The following DENND2C variants were observed in gnomAD, a reference collection of about 807,000 sequenced individuals.
DENND2C encodes the protein DENN domain containing 2C.
Under a neutral mutation model 112.4 loss-of-function variants are expected in DENND2C, and 72 were observed. That is an observed-to-expected ratio of 0.64 (90% CI 0.53 to 0.78). DENND2C has a LOEUF of 0.78. Among genes scored for constraint, DENND2C ranks in the 30% least tolerant of loss-of-function variants. The pLI is 0.00. For missense variants in DENND2C, 992 were observed against 1,113.8 expected (o/e 0.89, Z 1.56); for synonymous variants, 329 against 381.6 (o/e 0.86, Z 1.61).
intron 8 of DENND2C, among the ~76,000 whole-genome samples, chr1:114,612,230 A>G (rs1009359180): frequency 2.0e-5 from 3 of 152,238 alleles, no homozygotes; most frequent in Non-Finnish European, 2.9e-5. Flanking sequence ...TTGCCATAAA[A>G]AGCTTTAATA....
intron 19 of DENND2C, 39 bp from the exon 20 acceptor site, chr1:114,587,512 C>A (rs1655070596): frequency 6.2e-7 from 1 of 1,604,632 alleles, no homozygotes; most frequent in Non-Finnish European, 8.5e-7. Flanking sequence ...CTGTGTAACA[C>A]TCCAGACTGG....
chr1:114,646,594 G>A (rs6686273), intron 2 of DENND2C, among the ~76,000 whole-genome samples: 4,525 of 152,218 alleles, frequency 0.03, 228 homozygotes, highest in African/African-American at 0.1. Context: ...CGCCAACTCC[G>A]TTTTGTTTGA....
chr1:114,628,465 G>A (rs1482752828), intron 3 of DENND2C, among the ~76,000 whole-genome samples: 2 of 152,100 alleles, frequency 1.3e-5, no homozygotes, highest in Non-Finnish European at 2.9e-5. Flanking sequence ...CCTAAAATAT[G>A]TAGGTATTTT....
intron 2 of DENND2C, among the ~76,000 whole-genome samples, chr1:114,651,756 A>G (rs1657172294): frequency 6.6e-6 from 1 of 152,178 alleles, no homozygotes; most frequent in African/African-American, 2.4e-5. Context: ...AGAAAAAGGA[A>G]AAGTTATTTC....
chr1:114,638,664 G>A (rs751742309), intron 3 of DENND2C, among the ~76,000 whole-genome samples: 2 of 151,070 alleles, frequency 1.3e-5, no homozygotes, highest in Non-Finnish European at 2.9e-5. Context: ...TTGGGAGGCT[G>A]AGGTGGGAGG....
chr1:114,662,153 C>T (rs1657509325), intron 1 of DENND2C, among the ~76,000 whole-genome samples: 1 of 152,102 alleles, frequency 6.6e-6, no homozygotes, highest in Admixed American at 6.6e-5. Context: ...TCACAGAAGG[C>T]TCTATTATTA....
At position 114,585,379 on chromosome 1, in the gene DENND2C, G is replaced by T; in HGVS notation, c.*221C>A. ...GAAAAGGCTGCTATAAAAAAAAAATGGAGACAGAGTAAAGATGGCATGGTG... is the reference window on the plus strand; with the variant it reads ...GAAAAGGCTGCTATAAAAAAAAAATTGAGACAGAGTAAAGATGGCATGGTG... On this transcript the variant is annotated 3_prime_UTR_variant, in exon 21 of 21. Transcript: ENST00000393274. 2.2e-6 allele frequency: 1 copy of T among 446,718 alleles called. No homozygotes were observed. Among genetic ancestry groups the T allele is most frequent in the Non-Finnish European group, 4.0e-6 (1 of 247,026 alleles). 27.7% of individuals were successfully genotyped at this position (446,718 alleles called of 1,614,324 possible).
At chr1:114,655,879 TATAA>T (rs1657296860) in intron 1 of DENND2C, among the ~76,000 whole-genome samples, 2 of 32,810 alleles carry the variant, frequency 6.1e-5, no homozygotes, top group African/African-American at 2.3e-4. Flanking sequence ...TATATATATG[TATAA>T]ATATATATAT....
chr1:114,613,150 G>A (rs75926100), intron 8 of DENND2C, among the ~76,000 whole-genome samples: 4,018 of 152,270 alleles, frequency 0.026, 95 homozygotes, highest in Non-Finnish European at 0.034. Context: ...CTGTCTACTA[G>A]CTAAATAAAA....
rs185669868 is a variant in DENND2C, at chr1:114,626,635, T to G, written c.-204-447A>C. Among the ~76,000 whole-genome samples the G allele has an allele frequency of 3.8e-4, 58 of 150,820 alleles. No individual in the cohort carries two copies. The East Asian group carries it at 0.011, about 29-fold the overall frequency. Reference sequence around the variant, plus strand: ...CAAGTGATCTTCCCCCTCAGCCTCCTGAGTAGCTGTGACTACAGGTACATG... The same window carrying G: ...CAAGTGATCTTCCCCCTCAGCCTCCGGAGTAGCTGTGACTACAGGTACATG... On this transcript the variant is annotated intron_variant, in intron 3 of 20. Transcript: ENST00000393274.
intron 15 of DENND2C, 37 bp downstream of exon 15, chr1:114,600,167 C>G (rs369388773): frequency 5.0e-5 from 79 of 1,575,226 alleles, no homozygotes; most frequent in Non-Finnish European, 6.5e-5. Flanking sequence ...ACAAATAAAA[C>G]ACCAGTGTGA....
chr1:114,666,744 C>T (rs552856826), intron 1 of DENND2C, among the ~76,000 whole-genome samples: 4 of 152,324 alleles, frequency 2.6e-5, no homozygotes, highest in South Asian at 4.1e-4. Flanking sequence ...TGAGCCACCA[C>T]GCCTGGCCCT....
intron 7 of DENND2C, 91 bp downstream of exon 7, chr1:114,621,804 C>G: frequency 6.7e-7 from 1 of 1,484,110 alleles, no homozygotes; most frequent in Non-Finnish European, 9.1e-7. Context: ...TCAGTTCTAA[C>G]CTATTATTCA....
chr1:114,601,038 C>A, intron 13 of DENND2C, 78 bp from the exon 14 acceptor site: 1 of 1,456,964 alleles, frequency 6.9e-7, no homozygotes, highest in Non-Finnish European at 9.2e-7. Context: ...ACTGCCAAAC[C>A]TGGTGTACAA....
intron 1 of DENND2C, among the ~76,000 whole-genome samples, chr1:114,662,787 C>A (rs1003686734): frequency 6.6e-6 from 1 of 152,078 alleles, no homozygotes; most frequent in African/African-American, 2.4e-5. Context: ...GAGACCCCAT[C>A]TCTACAAAAA....
chr1:114,610,274 C>CT (rs982324199), intron 9 of DENND2C, among the ~76,000 whole-genome samples: 1 of 152,120 alleles, frequency 6.6e-6, no homozygotes, highest in African/African-American at 2.4e-5. Context: ...ATGGTGCATT[C>CT]TATATTCTAC....
intron 3 of DENND2C, among the ~76,000 whole-genome samples, chr1:114,635,218 C>T (rs537367617): frequency 6.6e-6 from 1 of 152,030 alleles, no homozygotes; most frequent in South Asian, 2.1e-4. Flanking sequence ...ACATTCTATA[C>T]TGAAATTTGA....
rs534369783 is a variant in DENND2C, at chr1:114,656,971, G to A, written c.-573-2210C>T. Among the ~76,000 whole-genome samples, 464 of 151,248 alleles carry A rather than the reference G, an allele frequency of 3.1e-3. 2 individuals carry two copies. The highest frequency in any genetic ancestry group is 5.3e-3 in the Non-Finnish European group (360 of 67,844). ...TCCCCATGTTGGCCAGGCTGGTCTC[G>A]AACTCCTGACCTCAGGTGATCTGCC... On this transcript the variant is annotated intron_variant, in intron 1 of 20. Coordinates refer to ENST00000393274, the MANE Select transcript of DENND2C (RefSeq NM_001256404.2).
intron 1 of DENND2C, among the ~76,000 whole-genome samples, chr1:114,663,195 T>C (rs1657547213): frequency 6.6e-6 from 1 of 152,166 alleles, no homozygotes; most frequent in African/African-American, 2.4e-5. Flanking sequence ...AAAAAGAGAA[T>C]AAAATTCCAT....
Sources: allele counts gnomAD v4.1 joint callset (sites outside exome capture counted in the v4.1 genomes callset), GRCh38; gene constraint gnomAD v4.1.1; transcripts MANE v1.5; gene names NCBI Gene and HGNC (gene_info 2026-07-23, HGNC 2026-07-21).